Variants in VWC2L observed in about 807,000 individuals in gnomAD.
VWC2L encodes the protein von Willebrand factor C domain containing 2 like.
A neutral mutation model predicts 21.6 loss-of-function variants in VWC2L; 10 were observed. That is an observed-to-expected ratio of 0.46 (90% CI 0.29 to 0.78). VWC2L has a LOEUF of 0.78. Ranked by LOEUF, VWC2L falls within the 30% of genes least tolerant of loss-of-function variation. VWC2L has a pLI of 0.10. For synonymous variants in VWC2L, 96 were observed against 94.3 expected (o/e 1.02, Z -0.10); for missense variants, 209 against 277.1 (o/e 0.75, Z 1.74).
chr2:214,490,037 C>T (rs1428818507), intron 3 of VWC2L, among the ~76,000 whole-genome samples: 2 of 152,168 alleles, frequency 1.3e-5, no homozygotes, highest in East Asian at 1.9e-4. Context: ...GAAGAAATTG[C>T]AGTCATCCAG....
At chr2:214,443,809 T>A (rs568234116) in intron 3 of VWC2L, among the ~76,000 whole-genome samples, 2 of 152,222 alleles carry the variant, frequency 1.3e-5, no homozygotes, top group South Asian at 4.1e-4. Context: ...GATACATAGA[T>A]AGATGAATAC....
intron 3 of VWC2L, among the ~76,000 whole-genome samples, chr2:214,534,621 A>G (rs1241453991): frequency 6.6e-6 from 1 of 152,144 alleles, no homozygotes; most frequent in African/African-American, 2.4e-5. Context: ...CTACAAGATC[A>G]TAGATATCCT....
chr2:214,573,098 C>T (rs1322801232), intron 3 of VWC2L, among the ~76,000 whole-genome samples: 1 of 152,088 alleles, frequency 6.6e-6, no homozygotes, highest in Non-Finnish European at 1.5e-5. Flanking sequence ...AACCAGAGCT[C>T]TAGTAAAATA....
At chr2:214,473,302 T>C (rs1010228645) in intron 3 of VWC2L, among the ~76,000 whole-genome samples, 11 of 152,212 alleles carry the variant, frequency 7.2e-5, no homozygotes, top group African/African-American at 2.7e-4. Flanking sequence ...GTATTAAAGT[T>C]AACTTGCTGT....
chr2:214,566,052 G>A (rs1046673334), intron 3 of VWC2L, among the ~76,000 whole-genome samples: 3 of 152,180 alleles, frequency 2.0e-5, no homozygotes, highest in African/African-American at 7.2e-5. Context: ...TTGCTGAGAA[G>A]AAATAGGACA....
intron 3 of VWC2L, among the ~76,000 whole-genome samples, chr2:214,575,360 C>T (rs1690213054): frequency 1.3e-5 from 2 of 152,154 alleles, no homozygotes; most frequent in African/African-American, 4.8e-5. Flanking sequence ...GAGGACAAAA[C>T]AAATACAGTT....
chr2:214,543,245 T>G (rs2105921801), intron 3 of VWC2L, among the ~76,000 whole-genome samples: 1 of 152,352 alleles, frequency 6.6e-6, no homozygotes, highest in Middle Eastern at 3.4e-3. Context: ...CAAACGTAAC[T>G]TTCAACCTAG....
chr2:214,420,887 G>A (rs865813377), intron 2 of VWC2L, among the ~76,000 whole-genome samples: 22 of 152,166 alleles, frequency 1.4e-4, no homozygotes, highest in Middle Eastern at 3.2e-3. Flanking sequence ...GGCTTTGAGT[G>A]AGTTAAAAGG....
intron 3 of VWC2L, among the ~76,000 whole-genome samples, chr2:214,558,127 C>T (rs927898509): frequency 1.3e-5 from 2 of 152,232 alleles, no homozygotes; most frequent in Admixed American, 1.3e-4. Context: ...CTGTCACAGT[C>T]CTGCCAGAAA....
At chr2:214,520,029 G>A (rs2105910496) in intron 3 of VWC2L, among the ~76,000 whole-genome samples, 1 of 147,898 alleles carries the variant, frequency 6.8e-6, no homozygotes, top group East Asian at 2.0e-4. Flanking sequence ...TATGGTATGG[G>A]GAAATTCTCA....
At chr2:214,564,804 T>A (rs1245496220) in intron 3 of VWC2L, among the ~76,000 whole-genome samples, 1 of 152,194 alleles carries the variant, frequency 6.6e-6, no homozygotes, top group East Asian at 1.9e-4. Context: ...CAAATATATG[T>A]CATGATGCCC....
intron 3 of VWC2L, among the ~76,000 whole-genome samples, chr2:214,476,743 A>G (rs180723889): frequency 6.6e-6 from 1 of 152,270 alleles, no homozygotes; most frequent in African/African-American, 2.4e-5. Flanking sequence ...TCTCATGAGC[A>G]TACACACCAC....
chr2:214,535,905 A>T (rs1261064877), intron 3 of VWC2L, among the ~76,000 whole-genome samples: 1 of 152,058 alleles, frequency 6.6e-6, no homozygotes, highest in African/African-American at 2.4e-5. Flanking sequence ...CCTCTAAAAG[A>T]GAATAGGGAT....
At chr2:214,443,102 C>T (rs1437857757) in intron 3 of VWC2L, among the ~76,000 whole-genome samples, 5 of 151,966 alleles carry the variant, frequency 3.3e-5, no homozygotes, top group African/African-American at 9.7e-5. Context: ...ATGAAAAGGC[C>T]GGGCGTGGTG....
intron 3 of VWC2L, among the ~76,000 whole-genome samples, chr2:214,475,400 G>A (rs1242360383): frequency 2.0e-5 from 3 of 150,788 alleles, no homozygotes; most frequent in Non-Finnish European, 4.4e-5. Flanking sequence ...AAAAAAAAAA[G>A]AAAGAAATGT....
At chr2:214,528,114 A>G (rs1195586089) in intron 3 of VWC2L, among the ~76,000 whole-genome samples, 3 of 152,214 alleles carry the variant, frequency 2.0e-5, no homozygotes, top group African/African-American at 7.2e-5. Flanking sequence ...CACTTTGTAA[A>G]TGGAATATGT....
chr2:214,562,909 T>C (rs770757078), intron 3 of VWC2L, among the ~76,000 whole-genome samples: 6 of 152,212 alleles, frequency 3.9e-5, no homozygotes, highest in Non-Finnish European at 8.8e-5. Flanking sequence ...ACTCTGTAGG[T>C]TGCCTGTTTG....
chr2:214,554,056 C>A (rs1423043186), intron 3 of VWC2L, among the ~76,000 whole-genome samples: 2 of 152,102 alleles, frequency 1.3e-5, no homozygotes, highest in Admixed American at 6.6e-5. Flanking sequence ...AGGCCACTAA[C>A]TCATCTTGGA....
intron 3 of VWC2L, among the ~76,000 whole-genome samples, chr2:214,438,194 G>C (rs2126179315): frequency 6.6e-6 from 1 of 152,210 alleles, no homozygotes; most frequent in South Asian, 2.1e-4. Flanking sequence ...AGGACAGACA[G>C]AAAGAGTTAG....
Sources: allele counts gnomAD v4.1 joint callset (sites outside exome capture counted in the v4.1 genomes callset), GRCh38; gene constraint gnomAD v4.1.1; transcripts MANE v1.5; gene names NCBI Gene and HGNC (gene_info 2026-07-23, HGNC 2026-07-21).